The following MRGPRF variants were observed in gnomAD, a reference collection of about 807,000 sequenced individuals.
MRGPRF encodes mas-related G protein-coupled receptor member F.
Under a neutral mutation model 3.3 loss-of-function variants are expected in MRGPRF, and 2 were observed. The ratio of observed to expected loss-of-function variants is 0.61; its 90% CI spans 0.25 to 1.92. The LOEUF is 1.92. Among genes scored for constraint, MRGPRF ranks in the 40% most tolerant of loss-of-function variants. The probability of loss-of-function intolerance (pLI) is 0.16; values close to 1 mark genes in which losing one functional copy is unlikely to be tolerated. For synonymous variants in MRGPRF, 242 were observed against 222.7 expected (o/e 1.09, Z -0.77); for missense variants, 500 against 476.0 (o/e 1.05, Z -0.47).
chr11:69,005,429 G>T lies in MRGPRF; in HGVS notation c.881C>A (p.Ala294Asp). The change falls in exon 3 of 3, where the codon GCC becomes GAC. Residue 294 changes from alanine (A) to aspartate (D), a missense_variant. Transcript: ENST00000309099. The part of the protein sequence containing the change: ...SSAKPIVYFL[A>D]GRDKSQRLWE... Reference sequence around the variant, plus strand: ...CAGCCGCTGCGACTTGTCCCTCCCGGCCAGGAAGTAGACGATGGGCTTGGC... The same window carrying T: ...CAGCCGCTGCGACTTGTCCCTCCCGTCCAGGAAGTAGACGATGGGCTTGGC... 1.3e-6 allele frequency: 2 copies of T among 1,588,618 alleles called. No homozygotes were observed. Among genetic ancestry groups the T allele is most frequent in the Admixed American group, 1.8e-5 (1 of 56,562 alleles).
At position 69,009,953 on chromosome 11, in the gene MRGPRF, C is replaced by A. The variant is rs368963464; in HGVS notation, c.-52G>T. On this transcript the variant is annotated 5_prime_UTR_variant, in exon 2 of 3. Coordinates refer to ENST00000309099, the MANE Select transcript of MRGPRF (RefSeq NM_145015.5). ...TGCTGGCAGCTCACCAGTCTGCACA[C>A]CCACCTGGCAGAAGCCCAGAGAGAG... 6.4e-6 allele frequency: 10 copies of A among 1,567,006 alleles called. No homozygotes were observed. In the African/African-American group the frequency reaches 1.3e-4, roughly 21 times the overall value.
Sources: gnomAD v4.1 joint callset for allele counts on GRCh38, gnomAD v4.1.1 for gene constraint, MANE v1.5 for transcripts, NCBI Gene and HGNC (gene_info 2026-07-23, HGNC 2026-07-21) for gene names.